Variants in ERC1 observed in about 807,000 individuals in gnomAD.
The protein encoded by ERC1 is RAB6 interacting protein 2.
In ERC1, 56 loss-of-function variants were observed where a neutral mutation model predicts 132.0. The ratio of observed to expected loss-of-function variants is 0.42; its 90% confidence interval spans 0.34 to 0.53. The LOEUF (loss-of-function observed/expected upper bound fraction) is 0.53. Among genes scored for constraint, ERC1 ranks in the 20% least tolerant of loss-of-function variants. The probability of loss-of-function intolerance (pLI) is 0.03; values close to 1 mark genes in which losing one functional copy is unlikely to be tolerated. For missense variants in ERC1, 1,202 were observed against 1,349.9 expected (o/e 0.89, Z 1.72); for synonymous variants, 478 against 476.1 (o/e 1.00, Z -0.05).
At chr12:1,465,966 G>A (rs912315968) in intron 18 of ERC1, among the ~76,000 whole-genome samples, 3 of 152,174 alleles carry the variant, frequency 2.0e-5, no homozygotes, top group African/African-American at 7.2e-5. Flanking sequence ...TGTTGCCACT[G>A]AGACAAGTGA....
intron 13 of ERC1, among the ~76,000 whole-genome samples, chr12:1,247,614 A>T (rs2154311808): frequency 6.6e-6 from 1 of 152,354 alleles, no homozygotes; most frequent in Non-Finnish European, 1.5e-5. Flanking sequence ...ATAACAGGTT[A>T]GTTAGCTCAG....
rs146703630 is a variant in ERC1, at chr12:1,408,184, C to T, written c.2961C>T (p.Tyr987=). ...GAATGAAGCTAATGGCCGACAACTACGAGGATGACCACTTCAAATCCTCCC... is the reference window on the plus strand; with the variant it reads ...GAATGAAGCTAATGGCCGACAACTATGAGGATGACCACTTCAAATCCTCCC... The part of the protein sequence containing the change: ...QNRMKLMADN[Y]EDDHFKSSHS... Residue 987 remains tyrosine (Y), a synonymous_variant, in exon 17 of 19, where the codon TAC becomes TAT. Transcript: ENST00000360905. 7.2e-4 allele frequency: 1,160 copies of T among 1,613,940 alleles called. 1 individual carries two copies. The highest frequency in any genetic ancestry group is 8.9e-4 in the Non-Finnish European group (1,046 of 1,179,910).
intron 13 of ERC1, among the ~76,000 whole-genome samples, chr12:1,259,447 C>A (rs922114502): frequency 6.6e-6 from 1 of 150,652 alleles, no homozygotes; most frequent in Non-Finnish European, 1.5e-5. Flanking sequence ...TTATGATTTA[C>A]ATTTTGGTCT....
intron 3 of ERC1, among the ~76,000 whole-genome samples, chr12:1,100,698 A>G (rs1944562542): frequency 2.0e-5 from 3 of 152,190 alleles, no homozygotes; most frequent in Admixed American, 2.0e-4. Flanking sequence ...GGATGAGTGA[A>G]GCAAGTTTAG....
intron 15 of ERC1, among the ~76,000 whole-genome samples, chr12:1,320,934 C>T (rs1594978568): frequency 6.6e-6 from 1 of 152,170 alleles, no homozygotes; most frequent in Admixed American, 6.5e-5. Flanking sequence ...ATCTCCTGAC[C>T]TCGTGATCCG....
intron 7 of ERC1, among the ~76,000 whole-genome samples, chr12:1,140,690 C>CT (rs1949780547): frequency 6.6e-6 from 1 of 152,128 alleles, no homozygotes; most frequent in Non-Finnish European, 1.5e-5. Flanking sequence ...TAGAACCATA[C>CT]TTGATTTCTT....
chr12:1,228,614 G>T (rs547907744), intron 12 of ERC1, among the ~76,000 whole-genome samples: 1 of 152,242 alleles, frequency 6.6e-6, no homozygotes, highest in East Asian at 1.9e-4. Context: ...TGTTCCTGAT[G>T]TTAGGGGAAA....
At position 1,004,833 on chromosome 12, in the gene ERC1, TG is replaced by T. The variant is rs1329451690; in HGVS notation, c.-157+13512del. ...GTGTGTGTGTGTGTGTGTGTGTGTG[TG>T]TGTGTGTGTGTGTGTATAAATTTTT... On this transcript the variant is annotated intron_variant, in intron 1 of 18. Coordinates refer to ENST00000360905, the MANE Select transcript of ERC1 (RefSeq NM_178040.4). Among the ~76,000 whole-genome samples, 3 of 150,646 alleles carry T rather than the reference TG, an allele frequency of 2.0e-5. 1 individual carries two copies. Among genetic ancestry groups the T allele is most frequent in the Non-Finnish European group, 4.4e-5 (3 of 67,480 alleles).
intron 9 of ERC1, among the ~76,000 whole-genome samples, chr12:1,181,518 G>C (rs946124677): frequency 6.6e-6 from 1 of 152,118 alleles, no homozygotes; most frequent in Non-Finnish European, 1.5e-5. Context: ...ATGTATTCTG[G>C]CCAGGCACAA....
chr12:1,241,696 C>A (rs11611819), intron 13 of ERC1, among the ~76,000 whole-genome samples: 6,718 of 152,000 alleles, frequency 0.044, 194 homozygotes, highest in Non-Finnish European at 0.063. Flanking sequence ...ACCCTGATAC[C>A]CAGTTCTCCT....
intron 12 of ERC1, among the ~76,000 whole-genome samples, chr12:1,197,819 T>TG (rs1956478124): frequency 6.6e-6 from 1 of 152,244 alleles, no homozygotes. Context: ...TCACTTAACA[T>TG]ACCACAGAGG....
chr12:1,062,665 A>T (rs1295140283), intron 2 of ERC1, among the ~76,000 whole-genome samples: 3 of 152,200 alleles, frequency 2.0e-5, no homozygotes, highest in African/African-American at 7.2e-5. Context: ...TGTGCTGATG[A>T]GGAGAATGTA....
chr12:1,076,654 A>C (rs138487536), intron 2 of ERC1, among the ~76,000 whole-genome samples: 1 of 152,048 alleles, frequency 6.6e-6, no homozygotes, highest in Non-Finnish European at 1.5e-5. Context: ...TGGCTTCCCA[A>C]AGTGCTGGGA....
chr12:1,075,147 A>G (rs1941123294), intron 2 of ERC1, among the ~76,000 whole-genome samples: 1 of 152,094 alleles, frequency 6.6e-6, no homozygotes, highest in African/African-American at 2.4e-5. Flanking sequence ...CAGACTCATT[A>G]AATTAGTTTC....
intron 2 of ERC1, among the ~76,000 whole-genome samples, chr12:1,036,530 A>G (rs1021271913): frequency 1.3e-5 from 2 of 151,770 alleles, no homozygotes; most frequent in African/African-American, 4.8e-5. Flanking sequence ...GCACGCCACC[A>G]CGCCCGGCTA....
chr12:1,418,885 G>T (rs1190529547), intron 17 of ERC1, among the ~76,000 whole-genome samples: 1 of 151,560 alleles, frequency 6.6e-6, no homozygotes, highest in African/African-American at 2.4e-5. Flanking sequence ...GCTAAATTTT[G>T]TATTTTTTGG....
At chr12:1,295,693 C>T (rs1195740492) in intron 15 of ERC1, among the ~76,000 whole-genome samples, 1 of 152,146 alleles carries the variant, frequency 6.6e-6, no homozygotes, top group East Asian at 1.9e-4. Flanking sequence ...TTAATTCTTA[C>T]AGGGTAGACC....
At chr12:1,322,809 T>A (rs954077842) in intron 15 of ERC1, among the ~76,000 whole-genome samples, 1 of 152,168 alleles carries the variant, frequency 6.6e-6, no homozygotes, top group African/African-American at 2.4e-5. Flanking sequence ...CCTGGCGACC[T>A]TAATTTGTCC....
At chr12:1,133,728 G>C (rs1948994125) in intron 7 of ERC1, among the ~76,000 whole-genome samples, 1 of 152,170 alleles carries the variant, frequency 6.6e-6, no homozygotes, top group African/African-American at 2.4e-5. Flanking sequence ...ACACGCTGCT[G>C]TATATTAGAT....
Sources: allele counts gnomAD v4.1 joint callset (sites outside exome capture counted in the v4.1 genomes callset), GRCh38; gene constraint gnomAD v4.1.1; transcripts MANE v1.5; gene names NCBI Gene and HGNC (gene_info 2026-07-23, HGNC 2026-07-21).